The following ALK variants were observed in gnomAD, a reference collection of about 807,000 sequenced individuals.
The protein encoded by ALK is ALK receptor tyrosine kinase.
In ALK, 74 loss-of-function variants were observed where a neutral mutation model predicts 163.1. The ratio of observed to expected loss-of-function variants is 0.45; its 90% confidence interval spans 0.38 to 0.55. ALK has a LOEUF of 0.55. ALK is among the 20% of genes least tolerant of loss of function. ALK has a pLI of 0.00. For synonymous variants in ALK, 960 were observed against 843.2 expected (o/e 1.14, Z -2.40); for missense variants, 2,063 against 2,105.3 (o/e 0.98, Z 0.39).
chr2:29,458,449 G>A (rs1213938786), intron 4 of ALK, among the ~76,000 whole-genome samples: 1 of 152,136 alleles, frequency 6.6e-6, no homozygotes, highest in Non-Finnish European at 1.5e-5. Context: ...TCTGGGCTAA[G>A]GAGATGTCGC....
At chr2:29,585,592 T>G (rs1674861400) in intron 3 of ALK, among the ~76,000 whole-genome samples, 1 of 152,204 alleles carries the variant, frequency 6.6e-6, no homozygotes, top group Admixed American at 6.5e-5. Flanking sequence ...CCTCCCAAGG[T>G]GCTGAGATCA....
intron 1 of ALK, among the ~76,000 whole-genome samples, chr2:29,834,504 A>G (rs1665506305): frequency 6.6e-6 from 1 of 152,206 alleles, no homozygotes. Context: ...GTAGGGTGGG[A>G]GTGAACAGTA....
chr2:29,770,970 C>T (rs1681005111), intron 1 of ALK, among the ~76,000 whole-genome samples: 1 of 151,514 alleles, frequency 6.6e-6, no homozygotes, highest in South Asian at 2.1e-4. Context: ...TACACAAATA[C>T]ACAGACATAC....
At chr2:29,687,724 T>G (rs1678280172) in intron 3 of ALK, among the ~76,000 whole-genome samples, 1 of 152,180 alleles carries the variant, frequency 6.6e-6, no homozygotes, top group South Asian at 2.1e-4. Flanking sequence ...TAGTTCTTTT[T>G]TTCTTTTACA....
At chr2:29,526,317 C>A (rs1264156131) in intron 4 of ALK, among the ~76,000 whole-genome samples, 1 of 152,150 alleles carries the variant, frequency 6.6e-6, no homozygotes, top group Non-Finnish European at 1.5e-5. Context: ...GAATTTCCTC[C>A]AAGAATACTT....
At chr2:29,746,340 C>G (rs1458988923) in intron 1 of ALK, among the ~76,000 whole-genome samples, 1 of 152,188 alleles carries the variant, frequency 6.6e-6, no homozygotes, top group African/African-American at 2.4e-5. Context: ...GCTTACTTGA[C>G]TCTCTGACAA....
rs1425412171 is a variant in ALK at position 29,920,759 on chromosome 2, G to A, written c.-100C>T. The A allele has an allele frequency of 4.5e-6, 5 of 1,114,430 alleles. No homozygotes were observed. The highest frequency in any genetic ancestry group is 2.8e-5 in the South Asian group (2 of 71,000). The allele number at this position is 1,114,430 out of a possible 1,614,324, so 69.0% of individuals were successfully genotyped here. ...CTCTGAACAGTCCTTGGTACCCAGC[G>A]GCTCCTTCCACCTGATCTCCAGAGG... On this transcript the variant is annotated 5_prime_UTR_variant, in exon 1 of 29. Coordinates refer to ENST00000389048, the MANE Select transcript of ALK (RefSeq NM_004304.5).
At chr2:29,672,420 T>G (rs1024136315) in intron 3 of ALK, among the ~76,000 whole-genome samples, 6 of 150,072 alleles carry the variant, frequency 4.0e-5, no homozygotes, top group Non-Finnish European at 7.4e-5. Context: ...AGTGAGAATA[T>G]GCGGTGTTTG....
intron 1 of ALK, among the ~76,000 whole-genome samples, chr2:29,768,005 G>C (rs1278259641): frequency 6.6e-6 from 1 of 152,234 alleles, no homozygotes; most frequent in African/African-American, 2.4e-5. Flanking sequence ...GCCTAGAACA[G>C]TCTTTGCTAT....
chr2:29,327,980 G>A (rs1324667104), intron 6 of ALK, among the ~76,000 whole-genome samples: 1 of 152,156 alleles, frequency 6.6e-6, no homozygotes, highest in East Asian at 1.9e-4. Context: ...GCATGGAGGA[G>A]GGAGAGGATG....
chr2:29,642,797 C>T (rs1215282306), intron 3 of ALK, among the ~76,000 whole-genome samples: 1 of 152,064 alleles, frequency 6.6e-6, no homozygotes, highest in African/African-American at 2.4e-5. Flanking sequence ...TGGATAAATC[C>T]CAATCTCTTT....
rs74716434 is a variant in ALK, at chr2:29,207,270, G to T, written c.3839C>A (p.Ala1280Glu). The change falls in exon 26 of 29, where the codon GCG (alanine) becomes GAG (glutamate). Residue 1280 changes from alanine to glutamate, a missense_variant and splice_region_variant. By Grantham distance (107) the Ala-to-Glu change is moderately radical (BLOSUM62 -1). Around this residue, in one of 5 missense-constraint regions of ALK, gnomAD observed 83 missense variants for 139.7 expected, o/e 0.59. Coordinates refer to ENST00000389048, the MANE Select transcript of ALK (RefSeq NM_004304.5). ...ACAGCCTCCCTTTCTATAGTAGCTC[G>T]CCCTGTGGGGAAGGAGAGGAAAACC... ...DFGMARDIYRASYYRKGGCAM... is the reference protein window; with the variant it reads ...DFGMARDIYRESYYRKGGCAM... 6.2e-7 allele frequency: 1 copy of T among 1,613,720 alleles called. No homozygotes were observed. The highest frequency in any genetic ancestry group is 8.5e-7 in the Non-Finnish European group (1 of 1,179,632).
intron 3 of ALK, among the ~76,000 whole-genome samples, chr2:29,540,261 C>A (rs1401203636): frequency 6.6e-6 from 1 of 152,096 alleles, no homozygotes; most frequent in Non-Finnish European, 1.5e-5. Flanking sequence ...CTGACAGGCC[C>A]AGAAACCTCA....
At chr2:29,661,024 T>C (rs749406684) in intron 3 of ALK, among the ~76,000 whole-genome samples, 1 of 152,168 alleles carries the variant, frequency 6.6e-6, no homozygotes, top group Non-Finnish European at 1.5e-5. Flanking sequence ...AAGCACTTAC[T>C]CTGCTCCTCT....
chr2:29,673,690 A>G (rs1158538846), intron 3 of ALK, among the ~76,000 whole-genome samples: 1 of 151,076 alleles, frequency 6.6e-6, no homozygotes, highest in East Asian at 1.9e-4. Context: ...TGAACTTTAA[A>G]GTAGTTTTTT....
intron 1 of ALK, among the ~76,000 whole-genome samples, chr2:29,894,850 AC>A (rs1280862664): frequency 2.7e-4 from 38 of 141,126 alleles, no homozygotes; most frequent in African/African-American, 9.3e-4. Context: ...ACACACACAC[AC>A]AAACACACAC....
chr2:29,246,066 C>T lies in ALK; in HGVS notation c.2204+5039G>A, dbSNP rs1038779264. ...TCTGAAGAGCAGGTGAGCTGTGGGA[C>T]GACTGCCTTCGGGAGCTATGGGCCA... On this transcript the variant is annotated intron_variant, in intron 12 of 28. Transcript: ENST00000389048. This position sits in a 1 kb window ranked among gnomAD's most constrained non-coding sequence, Gnocchi z 4.3. 1.5e-4 allele frequency among the ~76,000 whole-genome samples: 23 copies of T among 152,168 alleles called. No homozygotes were observed. The highest frequency in any genetic ancestry group is 5.1e-4 in the African/African-American group (21 of 41,428).
chr2:29,863,437 C>A (rs943230778), intron 1 of ALK, among the ~76,000 whole-genome samples: 1 of 151,890 alleles, frequency 6.6e-6, no homozygotes, highest in Non-Finnish European at 1.5e-5. Flanking sequence ...AGAAAATGAC[C>A]CAATTTAAAA....
At chr2:29,840,753 A>G (rs1341954220) in intron 1 of ALK, among the ~76,000 whole-genome samples, 1 of 152,224 alleles carries the variant, frequency 6.6e-6, no homozygotes, top group Non-Finnish European at 1.5e-5. Context: ...ATAACTGAAC[A>G]TTTACATGGC....
Sources: gnomAD v4.1 joint callset for allele counts (sites outside exome capture counted in the v4.1 genomes callset) on GRCh38, gnomAD v4.1.1 for gene constraint, gnomAD v4.1.1 regional missense constraint, Gnocchi (gnomAD v3.1) non-coding constraint, MANE v1.5 for transcripts, NCBI Gene and HGNC (gene_info 2026-07-23, HGNC 2026-07-21) for gene names.